Variants in CNTNAP4 observed in about 807,000 individuals in gnomAD.
CNTNAP4 encodes the protein contactin associated protein family member 4, also known as contactin-associated protein-like 4.
Under a neutral mutation model 148.4 loss-of-function variants are expected in CNTNAP4, and 98 were observed. That is an observed-to-expected ratio of 0.66 (90% CI 0.56 to 0.78). CNTNAP4 has a LOEUF of 0.78. Ranked by LOEUF, CNTNAP4 falls within the 30% of genes least tolerant of loss-of-function variation. The probability of loss-of-function intolerance (pLI) is 0.00; values close to 1 mark genes in which losing one functional copy is unlikely to be tolerated. For synonymous variants in CNTNAP4, 730 were observed against 565.1 expected (o/e 1.29, Z -4.14); for missense variants, 1,935 against 1,565.6 (o/e 1.24, Z -3.98).
chr16:76,481,247 T>A (rs2081816490), intron 12 of CNTNAP4, among the ~76,000 whole-genome samples: 1 of 152,200 alleles, frequency 6.6e-6, no homozygotes, highest in Non-Finnish European at 1.5e-5. Context: ...ACAAAATAGA[T>A]TCTAGATGAA....
chr16:76,452,361 A>G (rs1286682917), intron 7 of CNTNAP4, 147 bp from the exon 8 acceptor site: 2 of 682,482 alleles, frequency 2.9e-6, no homozygotes, highest in Non-Finnish European at 4.9e-6. Context: ...CCTTTAAGAA[A>G]TATGGCAGTG....
At chr16:76,447,923 C>A in intron 4 of CNTNAP4, 89 bp from the exon 5 acceptor site, 1 of 897,960 alleles carries the variant, frequency 1.1e-6, no homozygotes, top group Non-Finnish European at 1.8e-6. Flanking sequence ...AGTACGTATA[C>A]TGCCTTTTCT....
intron 3 of CNTNAP4, among the ~76,000 whole-genome samples, chr16:76,375,779 G>A (rs2015355255): frequency 6.6e-6 from 1 of 152,172 alleles, no homozygotes; most frequent in African/African-American, 2.4e-5. Context: ...TCTGTTGTGT[G>A]AGCCAAGAGT....
intron 12 of CNTNAP4, among the ~76,000 whole-genome samples, chr16:76,485,696 T>C (rs1164379871): frequency 6.6e-6 from 1 of 152,172 alleles, no homozygotes; most frequent in Non-Finnish European, 1.5e-5. Context: ...GATTCTGAGA[T>C]AGGAGCTCCT....
At chr16:76,442,811 G>C (rs2080096118) in intron 4 of CNTNAP4, among the ~76,000 whole-genome samples, 1 of 152,058 alleles carries the variant, frequency 6.6e-6, no homozygotes, top group Admixed American at 6.6e-5. Flanking sequence ...CTGCCACACT[G>C]GGGAACAAAT....
At position 76,448,955 on chromosome 16, in the gene CNTNAP4, T is replaced by C; in HGVS notation, c.927+4T>C. ...TCTCATGAATCTTGATTATGAGGTG[T>C]GATGGTTATGTTTCAATTAATGCTG... On this transcript the variant is annotated splice_donor_region_variant and intron_variant, in intron 6 of 23. Transcript: ENST00000611870. The C allele has an allele frequency of 6.2e-7, 1 of 1,610,358 alleles. No homozygotes were observed. The highest frequency in any genetic ancestry group is 2.2e-5 in the East Asian group (1 of 44,828).
intron 3 of CNTNAP4, among the ~76,000 whole-genome samples, chr16:76,358,403 A>T (rs1331902788): frequency 6.6e-6 from 1 of 152,214 alleles, no homozygotes; most frequent in East Asian, 1.9e-4. Flanking sequence ...AAACAAAGAA[A>T]GATTAAGCGG....
intron 3 of CNTNAP4, among the ~76,000 whole-genome samples, chr16:76,358,747 G>C (rs141272966): frequency 1.8e-4 from 27 of 152,280 alleles, no homozygotes; most frequent in African/African-American, 6.5e-4. Context: ...CAAGATCAAA[G>C]TTAAGACTTA....
intron 15 of CNTNAP4, among the ~76,000 whole-genome samples, chr16:76,513,311 T>C (rs1051016861): frequency 6.6e-6 from 1 of 152,048 alleles, no homozygotes; most frequent in Non-Finnish European, 1.5e-5. Flanking sequence ...AGATGTATTA[T>C]TGGGGAGAGG....
chr16:76,408,654 T>C (rs2078689413), intron 3 of CNTNAP4, among the ~76,000 whole-genome samples: 1 of 152,062 alleles, frequency 6.6e-6, no homozygotes, highest in Non-Finnish European at 1.5e-5. Context: ...TAAAATAGAA[T>C]CTAAAGAAGT....
chr16:76,522,766 C>CTTTTCTTTTCTTTTCTTTTCTTTT (rs1568498490), intron 17 of CNTNAP4, among the ~76,000 whole-genome samples: 1 of 87,208 alleles, frequency 1.1e-5, no homozygotes, highest in Admixed American at 1.3e-4. Context: ...CTTTTCTTTT[C>CTTTTCTTTTCTTTTCTTTTCTTTT]TTTTCTTTTC....
intron 3 of CNTNAP4, among the ~76,000 whole-genome samples, chr16:76,419,371 C>T (rs1297785111): frequency 6.6e-6 from 1 of 152,018 alleles, no homozygotes; most frequent in Non-Finnish European, 1.5e-5. Context: ...GCATACTTCA[C>T]AGTCATTCCC....
In CNTNAP4 at chr16:76,541,241, T is replaced by C. The variant is rs546790471; in HGVS notation, c.3442+451T>C. On this transcript the variant is annotated intron_variant, in intron 21 of 23. Coordinates refer to ENST00000611870, the MANE Select transcript of CNTNAP4 (RefSeq NM_033401.5). Reference sequence around the variant, plus strand: ...ATGTTTCAGGTTATGACTTGGATTCTATTTGCTTTGTTGCAATGTTGCCCT... The same window carrying C: ...ATGTTTCAGGTTATGACTTGGATTCCATTTGCTTTGTTGCAATGTTGCCCT... Among the ~76,000 whole-genome samples the C allele has an allele frequency of 5.9e-5, 9 of 152,360 alleles. No homozygotes were observed. The South Asian group carries it at 1.9e-3, about 32-fold the overall frequency.
intron 3 of CNTNAP4, among the ~76,000 whole-genome samples, chr16:76,380,173 A>G (rs934816589): frequency 5.3e-5 from 8 of 152,228 alleles, no homozygotes; most frequent in African/African-American, 1.4e-4. Flanking sequence ...AATTAGTGGC[A>G]TACACTAAAG....
intron 2 of CNTNAP4, among the ~76,000 whole-genome samples, chr16:76,322,942 C>T (rs1174186093): frequency 2.0e-5 from 3 of 151,862 alleles, no homozygotes; most frequent in Non-Finnish European, 4.4e-5. Flanking sequence ...TCAAGCGAGT[C>T]TCGTGCCTTG....
intron 3 of CNTNAP4, among the ~76,000 whole-genome samples, chr16:76,424,492 G>GCA (rs1372573950): frequency 3.3e-5 from 5 of 152,098 alleles, no homozygotes; most frequent in Admixed American, 3.3e-4. Flanking sequence ...GGTGGTTCAC[G>GCA]CCTGTAATCC....
chr16:76,303,839 T>C (rs188673287), intron 1 of CNTNAP4, among the ~76,000 whole-genome samples: 3 of 152,316 alleles, frequency 2.0e-5, no homozygotes, highest in East Asian at 3.9e-4. Flanking sequence ...TTTACTTTCT[T>C]TTTAAGTAAT....
chr16:76,284,697 C>G (rs1201037709), intron 1 of CNTNAP4, among the ~76,000 whole-genome samples: 1 of 151,966 alleles, frequency 6.6e-6, no homozygotes, highest in Non-Finnish European at 1.5e-5. Context: ...GAGTTTAACA[C>G]TTAAATTTCT....
rs567627613 is a variant in CNTNAP4 at position 76,315,614 on chromosome 16, A to C, written c.86-799A>C. Among the ~76,000 whole-genome samples the C allele has an allele frequency of 5.9e-5, 9 of 151,914 alleles. 1 individual carries two copies. The East Asian group carries it at 1.7e-3, about 29-fold the overall frequency. ...TCTGTGCTGTGAAGTCTGTTTTTTGAGACAGCGTCTTACTCCGTCACCCAG... is the reference window on the plus strand; with the variant it reads ...TCTGTGCTGTGAAGTCTGTTTTTTGCGACAGCGTCTTACTCCGTCACCCAG... On this transcript the variant is annotated intron_variant, in intron 1 of 23. Coordinates refer to ENST00000611870, the MANE Select transcript of CNTNAP4 (RefSeq NM_033401.5).
Sources: allele counts gnomAD v4.1 joint callset (sites outside exome capture counted in the v4.1 genomes callset), GRCh38; gene constraint gnomAD v4.1.1; transcripts MANE v1.5; gene names NCBI Gene and HGNC (gene_info 2026-07-23, HGNC 2026-07-21).